The following FBXL17 variants were observed in gnomAD, a reference collection of about 807,000 sequenced individuals.
FBXL17 encodes F-box/LRR-repeat protein 17.
A neutral mutation model predicts 66.2 loss-of-function variants in FBXL17; 22 were observed. That is an observed-to-expected ratio of 0.33 (90% CI 0.24 to 0.47). The LOEUF (loss-of-function observed/expected upper bound fraction) is 0.47, where lower values mean the gene tolerates loss of function less well. Ranked by LOEUF, FBXL17 falls within the 20% of genes least tolerant of loss-of-function variation. FBXL17 has a pLI of 1.00. For missense variants in FBXL17, 878 were observed against 948.2 expected, an observed-to-expected ratio of 0.93 and a Z score of 0.97; for synonymous variants, 474 against 400.5, an observed-to-expected ratio of 1.18 and a Z score of -2.19.
At chr5:108,205,952 T>G (rs1032379651) in intron 5 of FBXL17, among the ~76,000 whole-genome samples, 1 of 152,070 alleles carries the variant, frequency 6.6e-6, no homozygotes, top group Non-Finnish European at 1.5e-5. Context: ...TGCTGTGTAC[T>G]CTCTACTGCA....
intron 6 of FBXL17, among the ~76,000 whole-genome samples, chr5:108,122,136 A>G (rs1390225190): frequency 1.3e-5 from 2 of 152,088 alleles, no homozygotes; most frequent in East Asian, 3.8e-4. Flanking sequence ...TAGGTACTAT[A>G]TATATCATAA....
At chr5:108,300,809 T>C (rs1232306123) in intron 4 of FBXL17, among the ~76,000 whole-genome samples, 1 of 151,694 alleles carries the variant, frequency 6.6e-6, no homozygotes, top group East Asian at 1.9e-4. Context: ...TGCAATTGTG[T>C]TATATATGTA....
chr5:108,055,630 A>G (rs866822787), intron 6 of FBXL17, among the ~76,000 whole-genome samples: 20 of 149,108 alleles, frequency 1.3e-4, no homozygotes, highest in Non-Finnish European at 1.6e-4. Flanking sequence ...AAAAAAAAAA[A>G]AGAGAGAAAA....
chr5:108,322,725 T>A (rs1759674841), intron 4 of FBXL17, among the ~76,000 whole-genome samples: 2 of 151,904 alleles, frequency 1.3e-5, no homozygotes, highest in East Asian at 3.9e-4. Flanking sequence ...CTATTAAATT[T>A]CCATCAATAA....
chr5:108,048,562 G>T (rs1211858336), intron 6 of FBXL17, among the ~76,000 whole-genome samples: 1 of 152,198 alleles, frequency 6.6e-6, no homozygotes, highest in Non-Finnish European at 1.5e-5. Context: ...AACCTTGATA[G>T]AAGGTTAGAG....
chr5:108,380,748 G>A lies in FBXL17; in HGVS notation c.944C>T (p.Pro315Leu). 8.0e-7 allele frequency: 1 copy of A among 1,250,226 alleles called. No homozygotes were observed. Among genetic ancestry groups the A allele is most frequent in the Non-Finnish European group, 1.0e-6 (1 of 989,704 alleles). 77.4% of individuals were successfully genotyped at this position (1,250,226 alleles called of 1,614,324 possible). ...CTGGTTGATGTCTGGGGTTTCGGGG[G>A]GCGGCTCCCTGTGACAGTCGCAGGG... ...ENPCDCHREPPPETPDINQLP... is the reference protein window; with the variant it reads ...ENPCDCHREPLPETPDINQLP... The change falls in exon 1 of 9, where the codon CCC becomes CTC. Residue 315 changes from proline (P) to leucine (L), a missense_variant. Transcript: ENST00000542267.
intron 7 of FBXL17, among the ~76,000 whole-genome samples, chr5:107,967,648 T>C (rs1752203792): frequency 6.6e-6 from 1 of 151,726 alleles, no homozygotes; most frequent in Admixed American, 6.6e-5. Context: ...ACCTGCACAT[T>C]ATGCACATGT....
In FBXL17 at chr5:108,357,259, T is replaced by G. The variant is rs115395803; in HGVS notation, c.1374+7479A>C. 8.3e-3 allele frequency among the ~76,000 whole-genome samples: 1,255 copies of G among 152,000 alleles called. 16 individuals are homozygous for G. The highest frequency in any genetic ancestry group is 0.031 in the Middle Eastern group (9 of 294). On this transcript the variant is annotated intron_variant, in intron 3 of 8. Transcript: ENST00000542267. ...CAGGGATAAAGAGGGACATACATAA[T>G]AACAAAAGGGGACAATACTCCAGGA... is the stretch of plus-strand genomic sequence containing the variant.
intron 7 of FBXL17, among the ~76,000 whole-genome samples, chr5:107,958,728 A>G (rs976969899): frequency 1.3e-5 from 2 of 152,136 alleles, no homozygotes; most frequent in Admixed American, 6.6e-5. Flanking sequence ...TTTCCCAGAT[A>G]ATGTGGCTGC....
rs776935229 is a variant in FBXL17 at position 108,199,174 on chromosome 5, G to A, written c.1615-12927C>T. ...ATTTACCTTAATATTGCATACTTTGGGTCACTTATAACTTCTCACACCAAT... is the reference window on the plus strand; with the variant it reads ...ATTTACCTTAATATTGCATACTTTGAGTCACTTATAACTTCTCACACCAAT... On this transcript the variant is annotated intron_variant, in intron 5 of 8. Transcript: ENST00000542267. Among the ~76,000 whole-genome samples, 24 of 151,744 alleles carry A rather than the reference G, an allele frequency of 1.6e-4. 1 individual carries two copies. The Middle Eastern group carries it at 0.014, about 86-fold the overall frequency.
chr5:108,166,789 T>C (rs1289918243), intron 6 of FBXL17, among the ~76,000 whole-genome samples: 4 of 152,130 alleles, frequency 2.6e-5, no homozygotes, highest in Admixed American at 6.5e-5. Context: ...TCAAAGTAAA[T>C]AGTTAATTTT....
At chr5:107,923,507 A>G (rs1455127683) in intron 7 of FBXL17, among the ~76,000 whole-genome samples, 1 of 152,144 alleles carries the variant, frequency 6.6e-6, no homozygotes, top group Non-Finnish European at 1.5e-5. Flanking sequence ...TGCCTGGCAC[A>G]ATGGCCAAGA....
intron 7 of FBXL17, among the ~76,000 whole-genome samples, chr5:107,886,928 A>AAT (rs1748990240): frequency 6.6e-6 from 1 of 151,352 alleles, no homozygotes; most frequent in African/African-American, 2.4e-5. Context: ...AAAAAAAAAA[A>AAT]GGAACAAGGA....
intron 4 of FBXL17, among the ~76,000 whole-genome samples, chr5:108,290,546 A>T (rs1380956130): frequency 6.6e-6 from 1 of 152,180 alleles, no homozygotes; most frequent in Non-Finnish European, 1.5e-5. Context: ...TTGTAAAAAG[A>T]ACATGCTACT....
intron 1 of FBXL17, among the ~76,000 whole-genome samples, chr5:108,374,515 A>C (rs1466540689): frequency 6.6e-6 from 1 of 152,102 alleles, no homozygotes; most frequent in Non-Finnish European, 1.5e-5. Context: ...TCTACCAAAA[A>C]ATACAAAAAT....
At chr5:108,054,983 A>G (rs923520182) in intron 6 of FBXL17, among the ~76,000 whole-genome samples, 1 of 152,100 alleles carries the variant, frequency 6.6e-6, no homozygotes, top group Admixed American at 6.5e-5. Context: ...TGCCTATTCT[A>G]TCTTCCTCAA....
chr5:108,050,425 C>G (rs549979322), intron 6 of FBXL17, among the ~76,000 whole-genome samples: 11 of 152,156 alleles, frequency 7.2e-5, no homozygotes, highest in Non-Finnish European at 1.5e-4. Flanking sequence ...CAAAACCAAA[C>G]AATTACATGG....
chr5:108,203,039 A>G (rs975069311), intron 5 of FBXL17, among the ~76,000 whole-genome samples: 4 of 152,198 alleles, frequency 2.6e-5, no homozygotes, highest in African/African-American at 9.6e-5. Context: ...ACTGACACTC[A>G]GGTAGAAAAA....
intron 7 of FBXL17, among the ~76,000 whole-genome samples, chr5:107,942,721 T>A (rs1751150059): frequency 1.3e-5 from 2 of 151,956 alleles, no homozygotes; most frequent in African/African-American, 4.8e-5. Context: ...TCTCTTATTT[T>A]AACGATCTCC....
Sources: gnomAD v4.1 joint callset for allele counts (sites outside exome capture counted in the v4.1 genomes callset) on GRCh38, gnomAD v4.1.1 for gene constraint, MANE v1.5 for transcripts, NCBI Gene and HGNC (gene_info 2026-07-23, HGNC 2026-07-21) for gene names.